AVL9: variants seen among roughly 807,000 people sequenced by gnomAD.
AVL9 encodes the protein late secretory pathway protein AVL9 homolog.
In AVL9, 49 loss-of-function variants were observed where a neutral mutation model predicts 79.2. That is an observed-to-expected ratio of 0.62 (90% CI 0.49 to 0.79). The LOEUF is 0.79. AVL9 is among the 30% of genes least tolerant of loss of function. AVL9 has a pLI of 0.00. For missense variants in AVL9, 682 were observed against 776.8 expected (o/e 0.88, Z 1.45); for synonymous variants, 299 against 280.6 (o/e 1.07, Z -0.65).
chr7:32,544,894 C>T, intron 3 of AVL9, 115 bp downstream of exon 3: 1 of 695,214 alleles, frequency 1.4e-6, no homozygotes, highest in East Asian at 2.7e-5. Context: ...TTTTTGTATA[C>T]AATTTGTAGC....
At chr7:32,564,464 T>C (rs895800193) in intron 10 of AVL9, among the ~76,000 whole-genome samples, 6 of 152,196 alleles carry the variant, frequency 3.9e-5, no homozygotes, top group African/African-American at 1.4e-4. Context: ...ATTTTGAAAA[T>C]AATTTTAGAA....
chr7:32,505,468 A>G (rs917105423), intron 1 of AVL9, among the ~76,000 whole-genome samples: 4 of 151,712 alleles, frequency 2.6e-5, no homozygotes, highest in Non-Finnish European at 5.9e-5. Context: ...GGTTGCAGTG[A>G]GCTGAGATCA....
In AVL9 at chr7:32,586,472, C is replaced by CGA. The variant is rs1554350211; in HGVS notation, c.*2565_*2566insGA. ...CCCCTGGTCCTGTGACCCCCCCCCC[C>CGA]CACACACACACATACTTCAGGCTTG... On this transcript the variant is annotated 3_prime_UTR_variant, in exon 16 of 16. Transcript: ENST00000318709. The CGA allele has an allele frequency of 1.4e-5, 2 of 142,958 alleles. No individual in the cohort carries two copies. Among genetic ancestry groups the CGA allele is most frequent in the African/African-American group, 5.2e-5 (2 of 38,728 alleles). The allele number at this position is 142,958 out of a possible 1,614,324, so 8.9% of individuals were successfully genotyped here.
chr7:32,563,493 G>A (rs200036913), intron 10 of AVL9, among the ~76,000 whole-genome samples: 5 of 122,894 alleles, frequency 4.1e-5, no homozygotes, highest in African/African-American at 1.7e-4. Context: ...ACCCATGGAT[G>A]TGGAGAACCA....
At chr7:32,578,344 G>A (rs960302108) in intron 13 of AVL9, among the ~76,000 whole-genome samples, 8 of 152,136 alleles carry the variant, frequency 5.3e-5, no homozygotes, top group African/African-American at 1.9e-4. Context: ...CATTAATGCA[G>A]ATTTTCTCTA....
At chr7:32,542,505 G>A (rs1789261514) in intron 1 of AVL9, among the ~76,000 whole-genome samples, 2 of 152,072 alleles carry the variant, frequency 1.3e-5, no homozygotes, top group South Asian at 2.1e-4. Flanking sequence ...GCAGTGAGCT[G>A]AGATCATGCC....
intron 1 of AVL9, among the ~76,000 whole-genome samples, chr7:32,509,342 G>A (rs1403735882): frequency 1.3e-5 from 2 of 152,130 alleles, no homozygotes; most frequent in Non-Finnish European, 2.9e-5. Flanking sequence ...TCTGTACCCT[G>A]TATCTATATA....
At chr7:32,582,570 T>A (rs184357872) in intron 15 of AVL9, among the ~76,000 whole-genome samples, 1 of 152,206 alleles carries the variant, frequency 6.6e-6, no homozygotes, top group East Asian at 1.9e-4. Context: ...TCATTATACG[T>A]TATTATTTTT....
At chr7:32,551,301 TAATC>T in intron 4 of AVL9, 29 bp from the exon 5 acceptor site, 1 of 1,369,438 alleles carries the variant, frequency 7.3e-7, no homozygotes, top group Non-Finnish European at 1.0e-6. Context: ...AACTAATTAT[TAATC>T]AATGGTAATT....
At position 32,552,167 on chromosome 7, in the gene AVL9, A is replaced by G. The variant is rs1789862057; in HGVS notation, c.463-62A>G. The G allele has an allele frequency of 2.8e-6, 3 of 1,053,860 alleles. No individual in the cohort carries two copies. In the African/African-American group the frequency reaches 4.8e-5, roughly 17 times the overall value. The allele number at this position is 1,053,860 out of a possible 1,614,324, so 65.3% of individuals were successfully genotyped here. A position where few individuals can be genotyped will look rare whatever the true frequency, so the allele number is the denominator to read the frequency against. On this transcript the variant is annotated intron_variant, in intron 5 of 15. Transcript: ENST00000318709. Reference sequence around the variant, plus strand: ...AGGAATCAGCTTTTTTCTGATCAATATATTTCTAATTCAGATCTAAAATGA... The same window carrying G: ...AGGAATCAGCTTTTTTCTGATCAATGTATTTCTAATTCAGATCTAAAATGA...
intron 10 of AVL9, among the ~76,000 whole-genome samples, chr7:32,566,509 G>A (rs1158866706): frequency 6.9e-6 from 1 of 145,794 alleles, no homozygotes; most frequent in South Asian, 2.2e-4. Flanking sequence ...AAGCACTGGG[G>A]ATAGAGAATA....
chr7:32,509,306 CA>C (rs1449423451), intron 1 of AVL9, among the ~76,000 whole-genome samples: 1 of 151,152 alleles, frequency 6.6e-6, no homozygotes, highest in South Asian at 2.1e-4. Context: ...GAACCAGACC[CA>C]AAAAAACACA....
intron 1 of AVL9, among the ~76,000 whole-genome samples, chr7:32,499,152 C>T (rs1427000535): frequency 6.6e-6 from 1 of 151,824 alleles, no homozygotes; most frequent in Non-Finnish European, 1.5e-5. Flanking sequence ...GACAATGAGT[C>T]CCTGTCTCAA....
intron 1 of AVL9, among the ~76,000 whole-genome samples, chr7:32,499,440 TA>T (rs1182783379): frequency 2.6e-5 from 4 of 152,130 alleles, no homozygotes; most frequent in Non-Finnish European, 5.9e-5. Context: ...AGTGATGTCA[TA>T]AAAAGTTGAA....
chr7:32,524,564 A>G (rs1451550398), intron 1 of AVL9, among the ~76,000 whole-genome samples: 15 of 151,776 alleles, frequency 9.9e-5, no homozygotes, highest in Non-Finnish European at 2.2e-4. Context: ...ACACAGAGAG[A>G]AAAGAAAATG....
intron 1 of AVL9, among the ~76,000 whole-genome samples, chr7:32,513,730 C>T (rs1298387349): frequency 2.0e-5 from 3 of 152,112 alleles, no homozygotes; most frequent in Non-Finnish European, 2.9e-5. Context: ...AGGGGACCAG[C>T]GCTCAGCAAG....
intron 1 of AVL9, among the ~76,000 whole-genome samples, chr7:32,525,598 C>T (rs1788369056): frequency 6.6e-6 from 1 of 151,866 alleles, no homozygotes; most frequent in Admixed American, 6.6e-5. Flanking sequence ...TTTTTGAGTG[C>T]AGATTGAATC....
At chr7:32,561,031 T>G (rs1317315884) in intron 10 of AVL9, among the ~76,000 whole-genome samples, 1 of 152,192 alleles carries the variant, frequency 6.6e-6, no homozygotes. Context: ...TGTAAAGAGA[T>G]GTGCTGTCAT....
In AVL9 at chr7:32,558,920, A is replaced by G. The variant is rs759670420; in HGVS notation, c.680-9A>G. Reference sequence around the variant, plus strand: ...AAGCCAAGCTGTTCTTTGATATTGCATATTTTAGGCATGATTGAACATGGT... The same window carrying G: ...AAGCCAAGCTGTTCTTTGATATTGCGTATTTTAGGCATGATTGAACATGGT... On this transcript the variant is annotated splice_polypyrimidine_tract_variant and intron_variant, in intron 9 of 15. Coordinates refer to ENST00000318709, the MANE Select transcript of AVL9 (RefSeq NM_015060.3). 1.3e-6 allele frequency: 2 copies of G among 1,556,508 alleles called. No homozygotes were observed. Among genetic ancestry groups the G allele is most frequent in the Admixed American group, 2.0e-5 (1 of 50,096 alleles).
Sources: gnomAD v4.1 joint callset for allele counts (sites outside exome capture counted in the v4.1 genomes callset) on GRCh38, gnomAD v4.1.1 for gene constraint, MANE v1.5 for transcripts, NCBI Gene and HGNC (gene_info 2026-07-23, HGNC 2026-07-21) for gene names.